TOM1L2: variants seen among roughly 807,000 people sequenced by gnomAD.
The protein encoded by TOM1L2 is TOM1-like protein 2.
A neutral mutation model predicts 67.9 loss-of-function variants in TOM1L2; 31 were observed. The observed-to-expected ratio is 0.46, with a 90% CI of 0.34 to 0.62. The LOEUF (loss-of-function observed/expected upper bound fraction) is 0.62, where lower values mean the gene tolerates loss of function less well. TOM1L2 is among the 20% of genes least tolerant of loss of function. The pLI is 0.01. For synonymous variants in TOM1L2, 256 were observed against 254.0 expected (o/e 1.01, Z -0.07); for missense variants, 606 against 663.5 (o/e 0.91, Z 0.95).
intron 12 of TOM1L2, among the ~76,000 whole-genome samples, chr17:17,856,744 T>C (rs540776846): frequency 6.6e-6 from 1 of 152,374 alleles, no homozygotes; most frequent in East Asian, 1.9e-4. Context: ...CTTTGGGCTC[T>C]GCTAGAGGTG....
intron 7 of TOM1L2, chr17:17,869,820 A>G (rs990157692): frequency 3.4e-5 from 11 of 321,782 alleles, no homozygotes; most frequent in Admixed American, 5.3e-5. Context: ...CACTTGGTAC[A>G]GACTGCCTCA....
chr17:17,851,584 T>C (rs534693727), intron 12 of TOM1L2, among the ~76,000 whole-genome samples: 14 of 152,252 alleles, frequency 9.2e-5, no homozygotes, highest in African/African-American at 3.4e-4. Flanking sequence ...CAGGCACATT[T>C]TACCATCAAC....
In TOM1L2 at chr17:17,884,734, A is replaced by G; in HGVS notation, c.401T>C (p.Leu134Pro). The change falls in exon 5 of 15, where the codon CTC (leucine) becomes CCC (proline). Residue 134 changes from leucine (L) to proline (P), a missense_variant. Physicochemically the swap from Leu to Pro is moderately conservative, Grantham distance 98. Coordinates refer to ENST00000379504, the MANE Select transcript of TOM1L2 (RefSeq NM_001082968.2). Reference sequence around the variant, plus strand: ...CTCATATATGTGCACAACGCCGGTGAGATCAGGACTGCTTCGAAAGGCATC... The same window carrying G: ...CTCATATATGTGCACAACGCCGGTGGGATCAGGACTGCTTCGAAAGGCATC... ...WADAFRSSPD[L>P]TGVVHIYEEL... 1 of 1,613,804 alleles carries G rather than the reference A, an allele frequency of 6.2e-7. No homozygotes were observed. Among genetic ancestry groups the G allele is most frequent in the Non-Finnish European group, 8.5e-7 (1 of 1,180,030 alleles).
chr17:17,938,864 C>T (rs1365277967), intron 1 of TOM1L2, among the ~76,000 whole-genome samples: 2 of 151,704 alleles, frequency 1.3e-5, no homozygotes, highest in Non-Finnish European at 2.9e-5. Context: ...TTAGCCACCA[C>T]ACCCGGTCTA....
rs192302744 is a variant in TOM1L2, at chr17:17,947,210, G to T, written c.52+25052C>A. Among the ~76,000 whole-genome samples the T allele has an allele frequency of 3.2e-4, 48 of 150,980 alleles. No individual in the cohort carries two copies. In the East Asian group the frequency reaches 7.8e-3, roughly 25 times the overall value. ...AGTGAGCTTTTCAGTTTTATACGGT[G>T]GGGGGGTCTCACTATATTGCCCATG... is the stretch of plus-strand genomic sequence containing the variant. On this transcript the variant is annotated intron_variant, in intron 1 of 14. Transcript: ENST00000379504.
At chr17:17,935,158 G>A (rs1036010176) in intron 1 of TOM1L2, among the ~76,000 whole-genome samples, 2 of 152,228 alleles carry the variant, frequency 1.3e-5, no homozygotes, top group African/African-American at 4.8e-5. Flanking sequence ...AGCCTCTGTG[G>A]CTATCAAACA....
chr17:17,940,056 G>A (rs1435750738), intron 1 of TOM1L2, among the ~76,000 whole-genome samples: 6 of 152,014 alleles, frequency 3.9e-5, no homozygotes, highest in African/African-American at 1.4e-4. Context: ...AGCCAGGTGT[G>A]GTGGCGGGTG....
chr17:17,962,383 C>T (rs2041718806), intron 1 of TOM1L2, among the ~76,000 whole-genome samples: 1 of 151,410 alleles, frequency 6.6e-6, no homozygotes, highest in Non-Finnish European at 1.5e-5. Flanking sequence ...TGCAGTGACA[C>T]GATCTTAGCT....
At chr17:17,913,181 C>CAGAGGG (rs748163921) in intron 1 of TOM1L2, among the ~76,000 whole-genome samples, 1 of 103,090 alleles carries the variant, frequency 9.7e-6, no homozygotes, top group Admixed American at 1.1e-4. Flanking sequence ...ACCGTGGAAA[C>CAGAGGG]AGAGGGAGAG....
At chr17:17,873,186 C>T (rs1242772076) in intron 7 of TOM1L2, among the ~76,000 whole-genome samples, 2 of 152,166 alleles carry the variant, frequency 1.3e-5, no homozygotes, top group African/African-American at 4.8e-5. Context: ...TTCCCCACTC[C>T]AGTATTTTGT....
At chr17:17,942,383 A>G (rs2040770075) in intron 1 of TOM1L2, among the ~76,000 whole-genome samples, 1 of 152,218 alleles carries the variant, frequency 6.6e-6, no homozygotes, top group South Asian at 2.1e-4. Context: ...ATCTCAGGCA[A>G]GTTCATTAAT....
intron 1 of TOM1L2, among the ~76,000 whole-genome samples, chr17:17,934,930 C>CAAAGAGAGTGCAGCACGGT (rs2040461421): frequency 6.6e-6 from 1 of 152,180 alleles, no homozygotes; most frequent in Non-Finnish European, 1.5e-5. Flanking sequence ...AAGAGAAATG[C>CAAAGAGAGTGCAGCACGGT]GGGTTCATTA....
rs1476367955 is a variant in TOM1L2 at position 17,972,353 on chromosome 17, G to A, written c.-40C>T. The A allele has an allele frequency of 1.3e-6, 2 of 1,548,236 alleles. No homozygotes were observed. The highest frequency in any genetic ancestry group is 2.0e-5 in the Admixed American group (1 of 50,992). On this transcript the variant is annotated 5_prime_UTR_variant, in exon 1 of 15. Coordinates refer to ENST00000379504, the MANE Select transcript of TOM1L2 (RefSeq NM_001082968.2). Reference sequence around the variant, plus strand: ...ACGCAGCGGCCCGGGCCCCCTGTCTGCCACCTAGGCCTCCGCTGTAACCCG... The same window carrying A: ...ACGCAGCGGCCCGGGCCCCCTGTCTACCACCTAGGCCTCCGCTGTAACCCG...
At position 17,869,655 on chromosome 17, in the gene TOM1L2, G is replaced by A. The variant is rs562257519; in HGVS notation, c.778-182C>T. 1.1e-4 allele frequency: 156 copies of A among 1,382,884 alleles called. No homozygotes were observed. In the East Asian group the frequency reaches 3.6e-3, roughly 32 times the overall value. 85.7% of individuals were successfully genotyped at this position (1,382,884 alleles called of 1,614,324 possible). A position where few individuals can be genotyped will look rare whatever the true frequency, so the allele number is the denominator to read the frequency against. On this transcript the variant is annotated intron_variant, in intron 7 of 14. Transcript: ENST00000379504. Reference sequence around the variant, plus strand: ...CTCTTCACTGCCTGCCCCTCCTTCCGCAGAGGAAACAAGTACTTTTTCAGC... The same window carrying A: ...CTCTTCACTGCCTGCCCCTCCTTCCACAGAGGAAACAAGTACTTTTTCAGC...
intron 4 of TOM1L2, among the ~76,000 whole-genome samples, chr17:17,893,277 C>T (rs953195235): frequency 4.6e-5 from 7 of 152,306 alleles, no homozygotes; most frequent in East Asian, 3.9e-4. Context: ...TAACACCATC[C>T]CCAGCCCCTT....
At chr17:17,903,839 G>A (rs1218970000) in intron 2 of TOM1L2, among the ~76,000 whole-genome samples, 6 of 151,886 alleles carry the variant, frequency 4.0e-5, no homozygotes. Flanking sequence ...TTCAAACTGA[G>A]AGATCCAGTG....
rs113010398 is a variant in TOM1L2, at chr17:17,892,301, C to T, written c.366+1360G>A. On this transcript the variant is annotated intron_variant, in intron 4 of 14. Coordinates refer to ENST00000379504, the MANE Select transcript of TOM1L2 (RefSeq NM_001082968.2). ...CCGGCACTCCACTTCCTGCATTCTC[C>T]GCTGCCTCTGCCTGGTTGCCTCCCT... is the stretch of plus-strand genomic sequence containing the variant. Among the ~76,000 whole-genome samples the T allele has an allele frequency of 8.6e-3, 1,302 of 152,256 alleles. 21 individuals carry two copies. Among genetic ancestry groups the T allele is most frequent in the African/African-American group, 0.029 (1,220 of 41,534 alleles).
intron 1 of TOM1L2, among the ~76,000 whole-genome samples, chr17:17,938,912 G>C (rs2040618791): frequency 6.6e-6 from 1 of 152,046 alleles, no homozygotes; most frequent in Admixed American, 6.6e-5. Flanking sequence ...ATACACTGGG[G>C]TGGGGCCGCC....
chr17:17,848,911 C>T lies in TOM1L2; in HGVS notation c.1339-52G>A, dbSNP rs560481129. 38 of 1,604,830 alleles carry T rather than the reference C, an allele frequency of 2.4e-5. No individual in the cohort carries two copies. In the South Asian group the frequency reaches 3.2e-4, roughly 13 times the overall value. ...TTAGGGCACTGGTCCAAGCACTGCC[C>T]GCCCAGCCACCTCTGTCTGCCCATG... On this transcript the variant is annotated intron_variant, in intron 13 of 14. Coordinates refer to ENST00000379504, the MANE Select transcript of TOM1L2 (RefSeq NM_001082968.2).
Sources: allele counts gnomAD v4.1 joint callset (sites outside exome capture counted in the v4.1 genomes callset), GRCh38; gene constraint gnomAD v4.1.1; transcripts MANE v1.5; gene names NCBI Gene and HGNC (gene_info 2026-07-23, HGNC 2026-07-21).